KRT18: variants seen among roughly 807,000 people sequenced by gnomAD.
The protein encoded by KRT18 is keratin 18.
KRT18 carries 8 observed loss-of-function variants against 39.9 expected under a neutral mutation model. That is an observed-to-expected ratio of 0.20 (90% CI 0.12 to 0.36). The LOEUF is 0.36. Among genes scored for constraint, KRT18 ranks in the 10% least tolerant of loss-of-function variants. KRT18 has a pLI of 1.00. For synonymous variants in KRT18, 194 were observed against 227.8 expected (o/e 0.85, Z 1.33); for missense variants, 396 against 565.7 (o/e 0.70, Z 3.04).
At chr12:52,949,014 G>T, upstream of KRT18, 1 of 616,804 alleles carries the variant, frequency 1.6e-6, no homozygotes, top group Non-Finnish European at 2.7e-6. Flanking sequence ...GGCGGAGGGC[G>T]CGGGCTCCGA....
chr12:52,951,908 C>G, intron 5 of KRT18, 52 bp downstream of exon 5: 2 of 1,601,534 alleles, frequency 1.2e-6, no homozygotes, highest in Non-Finnish European at 1.7e-6. Context: ...GGCCTCAGAC[C>G]CAACCCTGTC....
At chr12:52,949,094 A>G (rs1280089289), upstream of KRT18, 4 of 1,311,922 alleles carry the variant, frequency 3.0e-6, no homozygotes, top group Non-Finnish European at 3.2e-6. Flanking sequence ...CTGCGATATA[A>G]CTCGGGTCGC....
intron 1 of KRT18, 189 bp from the exon 2 acceptor site, chr12:52,950,139 G>C: frequency 1.4e-6 from 1 of 713,102 alleles, no homozygotes; most frequent in Non-Finnish European, 2.6e-6. Context: ...AGAGTGCTGG[G>C]ATCTGGGAAT....
rs199930351 is a variant in KRT18 at position 52,951,833 on chromosome 12, G to C, written c.925G>C (p.Asp309His). 7 of 1,607,400 alleles carry C rather than the reference G, an allele frequency of 4.4e-6. No homozygotes were observed. Among genetic ancestry groups the C allele is most frequent in the Admixed American group, 3.3e-5 (2 of 59,994 alleles). ...ACGTACAGTCCAGTCCTTGGAGATC[G>C]ACCTGGACTCCATGAGAAATCTGGT... Reference protein sequence around the residue: ...LRRTVQSLEIDLDSMRNLKAS... With the variant: ...LRRTVQSLEIHLDSMRNLKAS... The change falls in exon 5 of 7, where the codon GAC (aspartate) becomes CAC (histidine). Residue 309 changes from aspartate to histidine, a missense_variant. Physicochemically the swap from Asp to His is moderately conservative, Grantham distance 81. Coordinates refer to ENST00000388835, the MANE Select transcript of KRT18 (RefSeq NM_000224.3).
Position 52,949,342 on chromosome 12 carries a change from G to T in KRT18, c.169G>T (p.Gly57Cys), listed in dbSNP as rs753674663. 6.2e-7 allele frequency: 1 copy of T among 1,610,708 alleles called. No individual in the cohort carries two copies. The highest frequency in any genetic ancestry group is 8.5e-7 in the Non-Finnish European group (1 of 1,179,656). The stretch of plus-strand genomic sequence containing the variant: ...GTCCCGCTCCACCAGCTTCAGGGGC[G>T]GCATGGGGTCCGGGGGCCTGGCCAC... ...SVSRSTSFRGGMGSGGLATGI... is the reference protein window; with the variant it reads ...SVSRSTSFRGCMGSGGLATGI... The change falls in exon 1 of 7, where the codon GGC becomes TGC. Residue 57 changes from glycine (G) to cysteine (C), a missense_variant. Transcript: ENST00000388835.
chr12:52,951,963 G>C (rs746731652), intron 5 of KRT18, 107 bp downstream of exon 5: 83 of 1,448,836 alleles, frequency 5.7e-5, no homozygotes, highest in Non-Finnish European at 7.9e-5. Flanking sequence ...CTTTAGCTCA[G>C]AAAGAGTCAG....
chr12:52,951,512 G>A lies in KRT18; in HGVS notation c.689G>A (p.Ser230Asn). 3 of 1,614,088 alleles carry A rather than the reference G, an allele frequency of 1.9e-6. No homozygotes were observed. Among genetic ancestry groups the A allele is most frequent in the Non-Finnish European group, 2.5e-6 (3 of 1,179,938 alleles). ...EVKGLQAQIA[S>N]SGLTVEVDAP... ...AAAGGCCTACAAGCCCAGATTGCCA[G>A]CTCTGGGTTGACCGTGGAGGTAGAT... Residue 230 changes from serine to asparagine, a missense_variant, in exon 4 of 7, where the codon AGC (serine) becomes AAC (asparagine). Transcript: ENST00000388835.
upstream of KRT18, chr12:52,949,102 C>A: frequency 7.5e-7 from 1 of 1,333,772 alleles, no homozygotes; most frequent in Non-Finnish European, 1.0e-6. Context: ...TAACTCGGGT[C>A]GCGCGGCTCG....
intron 2 of KRT18, 57 bp from the exon 3 acceptor site, chr12:52,950,693 G>A (rs1942467990): frequency 6.4e-7 from 1 of 1,561,138 alleles, no homozygotes; most frequent in Non-Finnish European, 8.7e-7. Flanking sequence ...GGTGGCATGA[G>A]TTGAGAAGGT....
At chr12:52,950,561 C>G in intron 2 of KRT18, 151 bp downstream of exon 2, 1 of 823,262 alleles carries the variant, frequency 1.2e-6, no homozygotes, top group African/African-American at 1.7e-5. Flanking sequence ...TTTAACTGTT[C>G]ATTTGTATAA....
Position 52,951,576 on chromosome 12 carries a change from C to T in KRT18, c.753C>T (p.Asp251=). Residue 251 remains aspartate (D), a synonymous_variant, in exon 4 of 7, where the codon GAC becomes GAT. Coordinates refer to ENST00000388835, the MANE Select transcript of KRT18 (RefSeq NM_000224.3). The part of the protein sequence containing the change: ...KSQDLAKIMA[D]IRAQYDELAR... ...AGGACCTCGCCAAGATCATGGCAGA[C>T]ATCCGGGCCCAATATGACGAGCTGG... The T allele has an allele frequency of 6.2e-7, 1 of 1,614,156 alleles. No individual in the cohort carries two copies.
Position 52,950,744 on chromosome 12 carries a change from C to T in KRT18, c.501-6C>T. 1.2e-6 allele frequency: 2 copies of T among 1,609,478 alleles called. No homozygotes were observed. The highest frequency in any genetic ancestry group is 1.7e-6 in the Non-Finnish European group (2 of 1,178,768). On this transcript the variant is annotated splice_region_variant and splice_polypyrimidine_tract_variant and intron_variant, in intron 2 of 6. Transcript: ENST00000388835. ...GGGGCCCCTCTGATCACCTCCACTC[C>T]TATAGGTATGAGACAGAGCTGGCCA...
chr12:52,950,120 A>T, intron 1 of KRT18: 2 of 681,048 alleles, frequency 2.9e-6, no homozygotes, highest in Non-Finnish European at 5.3e-6. Context: ...GAGGCTTCCC[A>T]AGAGGGGCAG....
intron 4 of KRT18, 36 bp from the exon 5 acceptor site, chr12:52,951,695 G>T (rs770114892): frequency 2.8e-5 from 45 of 1,613,160 alleles, no homozygotes; most frequent in Admixed American, 6.7e-5. Flanking sequence ...GAGGCAGACG[G>T]AATGAGGGGC....
At position 52,949,218 on chromosome 12, in the gene KRT18, C is replaced by T; in HGVS notation, c.45C>T (p.Ser15=). 1 of 1,611,768 alleles carries T rather than the reference C, an allele frequency of 6.2e-7. No individual in the cohort carries two copies. Among genetic ancestry groups the T allele is most frequent in the Non-Finnish European group, 8.5e-7 (1 of 1,179,902 alleles). ...CCACCTTCTCCACCAACTACCGGTC[C>T]CTGGGCTCTGTCCAGGCGCCCAGCT... is the stretch of plus-strand genomic sequence containing the variant. ...TRSTFSTNYR[S]LGSVQAPSYG... is the part of the protein sequence containing the mutation. Residue 15 remains serine (S), a synonymous_variant, in exon 1 of 7, where the codon TCC becomes TCT. Transcript: ENST00000388835.
Position 52,952,873 on chromosome 12 carries a change from C to G in KRT18, c.*31C>G. The G allele has an allele frequency of 6.3e-7, 1 of 1,595,488 alleles. No individual in the cohort carries two copies. Among genetic ancestry groups the G allele is most frequent in the Non-Finnish European group, 8.5e-7 (1 of 1,174,216 alleles). On this transcript the variant is annotated 3_prime_UTR_variant, in exon 7 of 7. Coordinates refer to ENST00000388835, the MANE Select transcript of KRT18 (RefSeq NM_000224.3). Reference sequence around the variant, plus strand: ...CAGAAGCAGGGTACCCTTTGGGGAGCAGGAGGCCAATAAAAAGTTCAGAGT... The same window carrying G: ...CAGAAGCAGGGTACCCTTTGGGGAGGAGGAGGCCAATAAAAAGTTCAGAGT...
rs1942515889 is a variant in KRT18 at position 52,952,856 on chromosome 12, G to T, written c.*14G>T. The T allele has an allele frequency of 6.2e-7, 1 of 1,604,710 alleles. No individual in the cohort carries two copies. The highest frequency in any genetic ancestry group is 8.5e-7 in the Non-Finnish European group (1 of 1,179,300). On this transcript the variant is annotated 3_prime_UTR_variant, in exon 7 of 7. Transcript: ENST00000388835. ...CTGAGGCATTAAGCCAGCAGAAGCA[G>T]GGTACCCTTTGGGGAGCAGGAGGCC...
intron 2 of KRT18, 31 bp downstream of exon 2, chr12:52,950,441 CA>C (rs1942462446): frequency 6.6e-7 from 1 of 1,510,690 alleles, no homozygotes; most frequent in African/African-American, 1.4e-5. Context: ...GCTGGGGGTC[CA>C]GGGGTGGAGC....
rs746603354 is a variant in KRT18 at position 52,949,518 on chromosome 12, C to T, written c.345C>T (p.His115=). 5 of 1,613,614 alleles carry T rather than the reference C, an allele frequency of 3.1e-6. No homozygotes were observed. The highest frequency in any genetic ancestry group is 2.2e-5 in the East Asian group (1 of 44,886). Residue 115 remains histidine (H), a synonymous_variant, in exon 1 of 7, where the codon CAC becomes CAT. Transcript: ENST00000388835. ...GGCTGGAGAGCAAAATCCGGGAGCA[C>T]TTGGAGAAGAAGGGACCCCAGGTCA... is the stretch of plus-strand genomic sequence containing the variant. The part of the protein sequence containing the change: ...NRRLESKIRE[H]LEKKGPQVRD...
Sources: gnomAD v4.1 joint callset for allele counts on GRCh38, gnomAD v4.1.1 for gene constraint, MANE v1.5 for transcripts, NCBI Gene and HGNC (gene_info 2026-07-23, HGNC 2026-07-21) for gene names.